MACROD2: variants seen among roughly 807,000 people sequenced by gnomAD.
MACROD2 encodes ADP-ribose glycohydrolase MACROD2.
Under a neutral mutation model 70.4 loss-of-function variants are expected in MACROD2, and 36 were observed. That is an observed-to-expected ratio of 0.51 (90% CI 0.39 to 0.68). The LOEUF (loss-of-function observed/expected upper bound fraction) is 0.68, where lower values mean the gene tolerates loss of function less well. MACROD2 is among the 30% of genes least tolerant of loss of function. The pLI, the probability that MACROD2 is intolerant of heterozygous loss-of-function variation, is 0.00. For missense variants in MACROD2, 496 were observed against 538.4 expected, an observed-to-expected ratio of 0.92 and a Z score of 0.78; for synonymous variants, 172 against 178.8, an observed-to-expected ratio of 0.96 and a Z score of 0.30.
chr20:14,376,330 GTAGTGCATTAGTAA>G (rs2083370372), intron 3 of MACROD2, among the ~76,000 whole-genome samples: 1 of 151,952 alleles, frequency 6.6e-6, no homozygotes, highest in African/African-American at 2.4e-5. Flanking sequence ...TATTGCTACT[GTAGTGCATTAGTAA>G]TAGTTTCCAG....
intron 5 of MACROD2, among the ~76,000 whole-genome samples, chr20:14,961,855 CCTT>C (rs1157226277): frequency 6.6e-6 from 1 of 152,150 alleles, no homozygotes; most frequent in Non-Finnish European, 1.5e-5. Flanking sequence ...TCATCCCACT[CCTT>C]CTAATGGTAA....
intron 8 of MACROD2, among the ~76,000 whole-genome samples, chr20:15,540,080 C>G (rs545810467): frequency 6.6e-6 from 1 of 152,278 alleles, no homozygotes; most frequent in Non-Finnish European, 1.5e-5. Flanking sequence ...GGGAATTCCA[C>G]ATGTTGGGCA....
intron 6 of MACROD2, among the ~76,000 whole-genome samples, chr20:15,390,992 A>T (rs1392864768): frequency 6.6e-6 from 1 of 152,048 alleles, no homozygotes; most frequent in Non-Finnish European, 1.5e-5. Context: ...TGTGGATCCA[A>T]ATATCCCAGG....
At chr20:14,250,226 G>A (rs867366153) in intron 3 of MACROD2, among the ~76,000 whole-genome samples, 12 of 152,074 alleles carry the variant, frequency 7.9e-5, no homozygotes, top group Middle Eastern at 6.8e-3. Flanking sequence ...TTGAGAGGAT[G>A]TACTGTCCCA....
intron 2 of MACROD2, among the ~76,000 whole-genome samples, chr20:14,054,315 T>TG (rs2053608407): frequency 6.6e-6 from 1 of 151,658 alleles, no homozygotes; most frequent in Admixed American, 6.6e-5. Context: ...CAAAAGCAGG[T>TG]GGATGGGGGA....
chr20:14,085,588 T>A, intron 2 of MACROD2, 33 bp from the exon 3 acceptor site: 2 of 1,187,704 alleles, frequency 1.7e-6, no homozygotes, highest in Admixed American at 2.4e-5. Context: ...ATTAATAATA[T>A]TATTATTGAT....
chr20:14,155,571 C>A (rs112534831), intron 3 of MACROD2, among the ~76,000 whole-genome samples: 28 of 152,124 alleles, frequency 1.8e-4, no homozygotes, highest in African/African-American at 6.8e-4. Flanking sequence ...TCACCTAATT[C>A]AACTTTAAGC....
At chr20:14,490,650 T>C (rs1260589286) in intron 3 of MACROD2, among the ~76,000 whole-genome samples, 2 of 152,200 alleles carry the variant, frequency 1.3e-5, no homozygotes, top group Non-Finnish European at 2.9e-5. Flanking sequence ...TCAAGTTTTC[T>C]TTGTTCCTTT....
intron 6 of MACROD2, among the ~76,000 whole-genome samples, chr20:15,279,875 G>T (rs2077427815): frequency 6.6e-6 from 1 of 152,086 alleles, no homozygotes; most frequent in South Asian, 2.1e-4. Context: ...TCAACATGAG[G>T]ATAATAAAAT....
chr20:14,182,414 C>A (rs1391812833), intron 3 of MACROD2, among the ~76,000 whole-genome samples: 1 of 151,536 alleles, frequency 6.6e-6, no homozygotes, highest in East Asian at 1.9e-4. Flanking sequence ...ATATTTTTTT[C>A]CATCCTTTGG....
At chr20:15,699,087 G>A (rs2050417756) in intron 8 of MACROD2, among the ~76,000 whole-genome samples, 1 of 152,110 alleles carries the variant, frequency 6.6e-6, no homozygotes, top group African/African-American at 2.4e-5. Context: ...GGTAAGTCAA[G>A]GATTTCTTCT....
intron 10 of MACROD2, among the ~76,000 whole-genome samples, chr20:15,892,354 CTTTAA>C (rs1261593246): frequency 6.6e-6 from 1 of 152,164 alleles, no homozygotes; most frequent in Non-Finnish European, 1.5e-5. Context: ...TGTCCTCAGA[CTTTAA>C]TTTATTTGCC....
At chr20:15,294,251 A>C (rs1308452132) in intron 6 of MACROD2, among the ~76,000 whole-genome samples, 1 of 152,082 alleles carries the variant, frequency 6.6e-6, no homozygotes. Flanking sequence ...GATAAAGCTG[A>C]TGGGATGGGA....
At chr20:14,399,547 T>G (rs1169775400) in intron 3 of MACROD2, among the ~76,000 whole-genome samples, 2 of 152,180 alleles carry the variant, frequency 1.3e-5, no homozygotes, top group Non-Finnish European at 2.9e-5. Flanking sequence ...TGTTAGTGTT[T>G]TCTTCATATT....
intron 7 of MACROD2, among the ~76,000 whole-genome samples, chr20:15,498,586 G>A (rs2047327536): frequency 6.6e-6 from 1 of 152,156 alleles, no homozygotes; most frequent in African/African-American, 2.4e-5. Context: ...CGTGGAAGAA[G>A]GCAGGGTTGA....
chr20:14,194,844 CA>C (rs1023916487), intron 3 of MACROD2, among the ~76,000 whole-genome samples: 1 of 152,152 alleles, frequency 6.6e-6, no homozygotes, highest in African/African-American at 2.4e-5. Context: ...CCTAATCAAG[CA>C]GTGTAAACAT....
At position 15,386,200 on chromosome 20, in the gene MACROD2, C is replaced by G. The variant is rs1288391660; in HGVS notation, c.541-45205C>G. Among the ~76,000 whole-genome samples the G allele has an allele frequency of 2.0e-5, 3 of 152,126 alleles. No homozygotes were observed. In the East Asian group the frequency reaches 5.8e-4, roughly 29 times the overall value. Reference sequence around the variant, plus strand: ...AAGTAAAATAGATTACATGTCATGGCTATTAGCAAAGGCAATAGACTTCAC... The same window carrying G: ...AAGTAAAATAGATTACATGTCATGGGTATTAGCAAAGGCAATAGACTTCAC... On this transcript the variant is annotated intron_variant, in intron 6 of 17. Coordinates refer to ENST00000684519, the MANE Select transcript of MACROD2 (RefSeq NM_001351661.2).
chr20:14,075,213 A>G (rs910357712), intron 2 of MACROD2, among the ~76,000 whole-genome samples: 1 of 152,218 alleles, frequency 6.6e-6, no homozygotes, highest in African/African-American at 2.4e-5. Context: ...CAAATTTTCT[A>G]TGCGTGAAAT....
intron 5 of MACROD2, among the ~76,000 whole-genome samples, chr20:15,222,459 T>C (rs1029277233): frequency 2.0e-5 from 3 of 152,322 alleles, no homozygotes; most frequent in Admixed American, 6.5e-5. Context: ...GGTCATAGAT[T>C]GGTGGTGCTT....
Sources: gnomAD v4.1 joint callset for allele counts (sites outside exome capture counted in the v4.1 genomes callset) on GRCh38, gnomAD v4.1.1 for gene constraint, MANE v1.5 for transcripts, NCBI Gene and HGNC (gene_info 2026-07-23, HGNC 2026-07-21) for gene names.